Variants in HECW1 observed in about 807,000 individuals in gnomAD.
The protein encoded by HECW1 is HECT, C2 and WW domain containing E3 ubiquitin protein ligase 1, also known as E3 ubiquitin-protein ligase HECW1.
Under a neutral mutation model 182.3 loss-of-function variants are expected in HECW1, and 61 were observed. The ratio of observed to expected loss-of-function variants is 0.33; its 90% CI spans 0.27 to 0.41. HECW1 has a LOEUF of 0.41. Ranked by LOEUF, HECW1 falls within the 10% of genes least tolerant of loss-of-function variation. HECW1 has a pLI of 1.00. For synonymous variants in HECW1, 859 were observed against 832.6 expected, an observed-to-expected ratio of 1.03 and a Z score of -0.55; for missense variants, 1,739 against 2,108.9, an observed-to-expected ratio of 0.82 and a Z score of 3.44.
At chr7:43,486,105 G>A (rs913678500) in intron 17 of HECW1, among the ~76,000 whole-genome samples, 4 of 151,936 alleles carry the variant, frequency 2.6e-5, no homozygotes, top group African/African-American at 2.4e-5. Context: ...GAGAACATGA[G>A]GTGTTTGATT....
intron 14 of HECW1, among the ~76,000 whole-genome samples, chr7:43,465,719 C>A (rs1426692677): frequency 6.6e-6 from 1 of 152,032 alleles, no homozygotes; most frequent in Non-Finnish European, 1.5e-5. Flanking sequence ...TGGTTAGCAA[C>A]TTGTGAAGGA....
intron 5 of HECW1, among the ~76,000 whole-genome samples, chr7:43,346,335 A>C (rs1258854087): frequency 9.9e-5 from 15 of 151,636 alleles, no homozygotes; most frequent in Admixed American, 9.8e-4. Context: ...CCACTTTTTG[A>C]TGGGATTGTT....
In HECW1 at chr7:43,492,097, G is replaced by A. The variant is rs755248230; in HGVS notation, c.3257G>A (p.Arg1086Lys). The A allele has an allele frequency of 1.2e-6, 2 of 1,605,588 alleles. No homozygotes were observed. Among genetic ancestry groups the A allele is most frequent in the South Asian group, 2.2e-5 (2 of 89,036 alleles). The change falls in exon 18 of 30, where the codon AGA becomes AAA. Residue 1086 changes from arginine (R) to lysine (K), a missense_variant. By Grantham distance (26) the Arg-to-Lys change is conservative. This residue lies in a region of HECW1 where 971 missense variants were observed against 1,029.1 expected (regional missense o/e 0.94). Coordinates refer to ENST00000395891, the MANE Select transcript of HECW1 (RefSeq NM_015052.5). The stretch of plus-strand genomic sequence containing the variant: ...TAGGCCTCAGAAGTTTCTAGAAACA[G>A]AGGAGCCTCTTTACTGGCCAGGCCA... ...AGEASEVSRN[R>K]GASLLARPGH...
At chr7:43,317,783 C>T (rs797016638) in intron 4 of HECW1, among the ~76,000 whole-genome samples, 6 of 150,466 alleles carry the variant, frequency 4.0e-5, no homozygotes, top group African/African-American at 1.5e-4. Flanking sequence ...TAAATGTGTA[C>T]AGCAAAATAT....
chr7:43,218,954 G>A (rs1796696149), intron 2 of HECW1, among the ~76,000 whole-genome samples: 1 of 152,190 alleles, frequency 6.6e-6, no homozygotes, highest in Non-Finnish European at 1.5e-5. Context: ...GGGGAGCCAA[G>A]AGAGGGAACT....
At chr7:43,232,853 A>T (rs1397200843) in intron 2 of HECW1, among the ~76,000 whole-genome samples, 1 of 152,246 alleles carries the variant, frequency 6.6e-6, no homozygotes, top group African/African-American at 2.4e-5. Context: ...ATAGCCAATA[A>T]TCGTCCTTTA....
chr7:43,541,251 C>T lies in HECW1; in HGVS notation c.4108C>T (p.Leu1370Phe). The T allele has an allele frequency of 1.2e-6, 2 of 1,613,256 alleles. No homozygotes were observed. Among genetic ancestry groups the T allele is most frequent in the Non-Finnish European group, 1.7e-6 (2 of 1,179,194 alleles). The change falls in exon 25 of 30, where the codon CTC (leucine) becomes TTC (phenylalanine). Residue 1370 changes from leucine (L) to phenylalanine (F), a missense_variant. Leu to Phe is a conservative substitution (Grantham distance 22). Transcript: ENST00000395891. ...CTTCACGAGGCCCTTCTACAAGGCA[C>T]TCCTGAGACTGTAAGTGCTTTGCAG... is the stretch of plus-strand genomic sequence containing the variant. ...AFFTRPFYKA[L>F]LRLPCDLSDL...
At chr7:43,451,392 A>G (rs2077231129) in intron 12 of HECW1, among the ~76,000 whole-genome samples, 1 of 152,194 alleles carries the variant, frequency 6.6e-6, no homozygotes, top group Admixed American at 6.5e-5. Context: ...TCCTTACTAT[A>G]ACTTCCATCC....
At position 43,469,021 on chromosome 7, in the gene HECW1, C is replaced by T; in HGVS notation, c.3015C>T (p.Asp1005=). Residue 1005 remains aspartate, a synonymous_variant, in exon 16 of 30, where the codon GAC becomes GAT. Coordinates refer to ENST00000395891, the MANE Select transcript of HECW1 (RefSeq NM_015052.5). ...TTGAACGCTACCAGCACAACCGGGA[C>T]TTGGTGAATTTCATCAACATGTTCG... ...RNFERYQHNR[D]LVNFINMFAD... is the part of the protein sequence containing the mutation. 1.2e-6 allele frequency: 2 copies of T among 1,614,208 alleles called. No individual in the cohort carries two copies. The highest frequency in any genetic ancestry group is 2.2e-5 in the South Asian group (2 of 91,080).
chr7:43,290,275 A>G (rs1213566372), intron 3 of HECW1, among the ~76,000 whole-genome samples: 2 of 152,266 alleles, frequency 1.3e-5, no homozygotes, highest in South Asian at 2.1e-4. Flanking sequence ...AGGGTCTGCT[A>G]TCTGTCATGT....
intron 17 of HECW1, among the ~76,000 whole-genome samples, chr7:43,488,563 A>C (rs1019937635): frequency 1.3e-5 from 2 of 152,256 alleles, no homozygotes; most frequent in African/African-American, 4.8e-5. Context: ...GTGAGATTCA[A>C]ATCAGTCACT....
At chr7:43,263,276 A>T (rs2152734697) in intron 3 of HECW1, among the ~76,000 whole-genome samples, 1 of 152,328 alleles carries the variant, frequency 6.6e-6, no homozygotes, top group South Asian at 2.1e-4. Flanking sequence ...AACACAAAAG[A>T]ATTAAAGAAA....
intron 7 of HECW1, among the ~76,000 whole-genome samples, chr7:43,400,147 GA>G (rs2075359247): frequency 6.6e-6 from 1 of 152,190 alleles, no homozygotes; most frequent in Non-Finnish European, 1.5e-5. Context: ...GGGGCAGGAG[GA>G]TCACTTGAGC....
chr7:43,407,872 A>G (rs2075664166), intron 8 of HECW1, 141 bp downstream of exon 8: 1 of 743,082 alleles, frequency 1.3e-6, no homozygotes, highest in South Asian at 2.3e-5. Context: ...GAAGGGAGCC[A>G]TGTTCTCCAG....
chr7:43,309,566 T>A (rs2152770675), intron 3 of HECW1, among the ~76,000 whole-genome samples: 1 of 152,330 alleles, frequency 6.6e-6, no homozygotes, highest in Non-Finnish European at 1.5e-5. Flanking sequence ...TTTGAGGCCC[T>A]GATTGAAACC....
chr7:43,159,012 A>G (rs1322922083), intron 2 of HECW1, among the ~76,000 whole-genome samples: 2 of 152,182 alleles, frequency 1.3e-5, no homozygotes, highest in African/African-American at 4.8e-5. Context: ...TGCATTTTTA[A>G]CAAGTTCCCA....
chr7:43,271,779 G>A lies in HECW1; in HGVS notation c.27+27847G>A, dbSNP rs115723292. On this transcript the variant is annotated intron_variant, in intron 3 of 29. Transcript: ENST00000395891. ...TATTAAAATGGCCGTATTTCACAAA[G>A]CAATCCACAGATACAACACTATTCT... 9.6e-3 allele frequency among the ~76,000 whole-genome samples: 1,457 copies of A among 152,038 alleles called. 30 individuals carry two copies. The highest frequency in any genetic ancestry group is 0.033 in the African/African-American group (1,375 of 41,542).
At chr7:43,401,722 A>T (rs1182017473) in intron 7 of HECW1, among the ~76,000 whole-genome samples, 2 of 152,000 alleles carry the variant, frequency 1.3e-5, no homozygotes, top group African/African-American at 4.8e-5. Context: ...TGATACGGAC[A>T]GGAGACAGGG....
chr7:43,327,095 T>G (rs1810889123), intron 5 of HECW1, among the ~76,000 whole-genome samples: 1 of 152,246 alleles, frequency 6.6e-6, no homozygotes, highest in Non-Finnish European at 1.5e-5. Flanking sequence ...TTGTGTTATT[T>G]CCAAGGAGAT....
Sources: allele counts gnomAD v4.1 joint callset (sites outside exome capture counted in the v4.1 genomes callset), GRCh38; gene constraint gnomAD v4.1.1; regional missense constraint gnomAD v4.1.1; transcripts MANE v1.5; gene names NCBI Gene and HGNC (gene_info 2026-07-23, HGNC 2026-07-21).